The following LRP1B variants were observed in gnomAD, a reference collection of about 807,000 sequenced individuals.
The protein encoded by LRP1B is LDL receptor related protein 1B.
Under a neutral mutation model 556.6 loss-of-function variants are expected in LRP1B, and 217 were observed. The observed-to-expected ratio is 0.39, with a 90% CI of 0.35 to 0.44. LRP1B has a LOEUF of 0.44. Among genes scored for constraint, LRP1B ranks in the 20% least tolerant of loss-of-function variants. The pLI, the probability that LRP1B is intolerant of heterozygous loss-of-function variation, is 1.00. For missense variants in LRP1B, 5,053 were observed against 5,620.8 expected (o/e 0.90, Z 3.23); for synonymous variants, 2,047 against 1,865.8 (o/e 1.10, Z -2.50).
At chr2:140,628,705 A>T (rs1180322549) in intron 41 of LRP1B, among the ~76,000 whole-genome samples, 1 of 152,182 alleles carries the variant, frequency 6.6e-6, no homozygotes, top group East Asian at 1.9e-4. Flanking sequence ...ATAAGTGTAT[A>T]TTATGGTTAG....
chr2:141,500,707 A>G (rs1197291273), intron 2 of LRP1B, among the ~76,000 whole-genome samples: 1 of 152,164 alleles, frequency 6.6e-6, no homozygotes, highest in African/African-American at 2.4e-5. Flanking sequence ...TTTCAAAAGA[A>G]AGCAGTTTTT....
intron 1 of LRP1B, among the ~76,000 whole-genome samples, chr2:141,986,086 T>A (rs892182063): frequency 6.6e-6 from 1 of 151,984 alleles, no homozygotes; most frequent in African/African-American, 2.4e-5. Context: ...TAAATGTTCA[T>A]ATCTAAAATT....
intron 2 of LRP1B, among the ~76,000 whole-genome samples, chr2:141,618,787 G>A (rs1193566972): frequency 6.6e-6 from 1 of 152,284 alleles, no homozygotes; most frequent in African/African-American, 2.4e-5. Flanking sequence ...ATGGCTAAAT[G>A]TCACCCTTCT....
In LRP1B at chr2:141,048,643, G is replaced by A. The variant is rs142593291; in HGVS notation, c.1789+343C>T. ...GTCTAATGAAAACCAACTATTACAA[G>A]TCTCTGAAATCCTATTAAATTTCAT... On this transcript the variant is annotated intron_variant, in intron 11 of 90. Transcript: ENST00000389484. 4.7e-3 allele frequency among the ~76,000 whole-genome samples: 716 copies of A among 152,126 alleles called. 2 individuals are homozygous for A. The highest frequency in any genetic ancestry group is 0.016 in the South Asian group (75 of 4,822).
chr2:141,827,344 A>AT (rs145968255), intron 1 of LRP1B, among the ~76,000 whole-genome samples: 50 of 152,162 alleles, frequency 3.3e-4, no homozygotes, highest in Non-Finnish European at 5.7e-4. Flanking sequence ...TTGAATGTGA[A>AT]TTTTTTTATG....
chr2:140,863,085 A>G (rs562746148), intron 27 of LRP1B, among the ~76,000 whole-genome samples: 1 of 152,098 alleles, frequency 6.6e-6, no homozygotes, highest in South Asian at 2.1e-4. Flanking sequence ...AGGTTGTGGA[A>G]CTTCTTGGCC....
rs979540903 is a variant in LRP1B, at chr2:140,602,731, T to C, written c.6800-1092A>G. On this transcript the variant is annotated intron_variant, in intron 41 of 90. Transcript: ENST00000389484. ...ATAATTAAAGTTTTTGAACAATGTT[T>C]TTTTTCATATTTTTTTATTTCTTTT... 8.1e-5 allele frequency among the ~76,000 whole-genome samples: 10 copies of C among 123,644 alleles called. No individual in the cohort carries two copies. In the Admixed American group the frequency reaches 8.2e-4, roughly 10 times the overall value. 81.1% of individuals were successfully genotyped at this position (123,644 alleles called of 152,430 possible).
chr2:141,401,975 C>A (rs1010124183), intron 3 of LRP1B, among the ~76,000 whole-genome samples: 1 of 152,090 alleles, frequency 6.6e-6, no homozygotes, highest in African/African-American at 2.4e-5. Flanking sequence ...ACGCATCCTT[C>A]TTTTTGTATT....
At chr2:142,006,359 G>A (rs1396329070) in intron 1 of LRP1B, among the ~76,000 whole-genome samples, 2 of 152,208 alleles carry the variant, frequency 1.3e-5, no homozygotes, top group African/African-American at 2.4e-5. Context: ...CTGACAAGCA[G>A]TGTGTCATAC....
rs556897173 is a variant in LRP1B at position 141,486,593 on chromosome 2, C to T, written c.206-6060G>A. On this transcript the variant is annotated intron_variant, in intron 2 of 90. Transcript: ENST00000389484. Reference sequence around the variant, plus strand: ...GGAAACAGCATGACTTCTCCTTCCCCGCAGCTAACCTCTCTACCTTACACG... The same window carrying T: ...GGAAACAGCATGACTTCTCCTTCCCTGCAGCTAACCTCTCTACCTTACACG... 7.2e-5 allele frequency among the ~76,000 whole-genome samples: 11 copies of T among 152,102 alleles called. No individual in the cohort carries two copies. In the East Asian group the frequency reaches 1.7e-3, roughly 24 times the overall value.
intron 1 of LRP1B, among the ~76,000 whole-genome samples, chr2:142,007,306 C>T (rs1014203657): frequency 6.6e-6 from 1 of 152,084 alleles, no homozygotes; most frequent in East Asian, 1.9e-4. Flanking sequence ...TGCTAGGGAT[C>T]AAATCATTAG....
At chr2:141,744,842 G>A (rs970253126) in intron 2 of LRP1B, among the ~76,000 whole-genome samples, 4 of 152,106 alleles carry the variant, frequency 2.6e-5, no homozygotes, top group African/African-American at 7.2e-5. Context: ...TCTTGGGAAG[G>A]CTTTTCAGGT....
At chr2:141,928,296 G>C (rs1425689588) in intron 1 of LRP1B, among the ~76,000 whole-genome samples, 3 of 152,110 alleles carry the variant, frequency 2.0e-5, no homozygotes, top group Admixed American at 2.0e-4. Flanking sequence ...TTAATAGAGA[G>C]GTTTTTATTT....
chr2:140,938,726 A>C (rs6753225), intron 20 of LRP1B, among the ~76,000 whole-genome samples: 6 of 151,980 alleles, frequency 3.9e-5, no homozygotes, highest in South Asian at 2.1e-4. Context: ...TGAAGTAACA[A>C]ATATAAAATG....
At chr2:140,365,382 G>C (rs537321435) in intron 71 of LRP1B, among the ~76,000 whole-genome samples, 13 of 151,716 alleles carry the variant, frequency 8.6e-5, no homozygotes, top group African/African-American at 3.1e-4. Flanking sequence ...TAAAATGTTT[G>C]CATTTTTCTC....
At chr2:141,556,741 CT>C (rs775382935) in intron 2 of LRP1B, among the ~76,000 whole-genome samples, 16 of 151,762 alleles carry the variant, frequency 1.1e-4, no homozygotes, top group Non-Finnish European at 2.4e-4. Context: ...ACTTTCTTGG[CT>C]GAATATACGG....
intron 10 of LRP1B, among the ~76,000 whole-genome samples, chr2:141,052,582 ATGT>A (rs1699067509): frequency 6.6e-6 from 1 of 152,040 alleles, no homozygotes; most frequent in Non-Finnish European, 1.5e-5. Flanking sequence ...TTGTGAAATG[ATGT>A]TGTCAGTTTT....
intron 3 of LRP1B, among the ~76,000 whole-genome samples, chr2:141,388,617 T>C (rs906806865): frequency 6.6e-6 from 1 of 152,136 alleles, no homozygotes; most frequent in Admixed American, 6.6e-5. Flanking sequence ...AATGCTCACT[T>C]TTAACACTTC....
chr2:140,789,921 C>T (rs916989226), intron 32 of LRP1B, among the ~76,000 whole-genome samples: 1 of 151,864 alleles, frequency 6.6e-6, no homozygotes, highest in Non-Finnish European at 1.5e-5. Context: ...TGAGCCACCG[C>T]GCCCGGCCAA....
Sources: allele counts gnomAD v4.1 joint callset (sites outside exome capture counted in the v4.1 genomes callset), GRCh38; gene constraint gnomAD v4.1.1; transcripts MANE v1.5; gene names NCBI Gene and HGNC (gene_info 2026-07-23, HGNC 2026-07-21).